FBXO4: variants seen among roughly 807,000 people sequenced by gnomAD.
FBXO4 encodes F-box only protein 4.
A neutral mutation model predicts 43.7 loss-of-function variants in FBXO4; 36 were observed. The observed-to-expected ratio is 0.82, with a 90% CI of 0.63 to 1.09. FBXO4 has a LOEUF of 1.09. FBXO4 is among the 50% of genes least tolerant of loss of function. The probability of loss-of-function intolerance (pLI) is 0.00; values close to 1 mark genes in which losing one functional copy is unlikely to be tolerated. For synonymous variants in FBXO4, 180 were observed against 165.6 expected (o/e 1.09, Z -0.67); for missense variants, 435 against 474.1 (o/e 0.92, Z 0.77).
chr5:41,959,340 G>T, the FBXO4 span, among the ~76,000 whole-genome samples: 1 of 152,012 alleles, frequency 6.6e-6, no homozygotes, highest in East Asian at 1.9e-4. Context: ...CATCCCATAT[G>T]TTGTCTCTTT....
Position 41,938,271 on chromosome 5 carries a change from G to A in FBXO4, c.899-1170G>A, listed in dbSNP as rs1351104866. The stretch of plus-strand genomic sequence containing the variant: ...ATTATACTGTAAGTTTCTTCTATAT[G>A]TGAAATGGCATAATATTTAAAGGTA... On this transcript the variant is annotated intron_variant, in intron 5 of 6. Coordinates refer to ENST00000281623, the MANE Select transcript of FBXO4 (RefSeq NM_012176.3). 2.6e-5 allele frequency among the ~76,000 whole-genome samples: 4 copies of A among 152,136 alleles called. No individual in the cohort carries two copies. The East Asian group carries it at 7.7e-4, about 29-fold the overall frequency.
chr5:41,993,726 G>T, the FBXO4 span, among the ~76,000 whole-genome samples: 512 of 151,902 alleles, frequency 3.4e-3, 2 homozygotes, highest in African/African-American at 0.012. Flanking sequence ...TAGGCCATGT[G>T]CAAGCTGAGG....
the FBXO4 span, among the ~76,000 whole-genome samples, chr5:41,959,379 C>T: frequency 9.1e-4 from 139 of 152,014 alleles, 1 homozygote; most frequent in Non-Finnish European, 1.5e-3. Flanking sequence ...CTTTGTTTTG[C>T]GAAAGTTTTT....
At chr5:41,976,883 T>C in the FBXO4 span, among the ~76,000 whole-genome samples, 2 of 152,340 alleles carry the variant, frequency 1.3e-5, no homozygotes, top group Non-Finnish European at 2.9e-5. Context: ...TACAGCCCTG[T>C]TAACAGGATT....
chr5:42,006,969 A>G, the FBXO4 span, among the ~76,000 whole-genome samples: 3 of 143,050 alleles, frequency 2.1e-5, no homozygotes, highest in Admixed American at 2.1e-4. Context: ...ATACATAAAC[A>G]TGATATATAT....
At chr5:42,002,508 C>A in the FBXO4 span, among the ~76,000 whole-genome samples, 2 of 152,180 alleles carry the variant, frequency 1.3e-5, no homozygotes, top group Non-Finnish European at 2.9e-5. Context: ...GATTGCCCAA[C>A]TAAGATTTTT....
chr5:41,969,496 T>C, the FBXO4 span, among the ~76,000 whole-genome samples: 2 of 152,150 alleles, frequency 1.3e-5, no homozygotes. Context: ...AATGTATTGG[T>C]TCATGTTTCT....
the FBXO4 span, among the ~76,000 whole-genome samples, chr5:42,016,436 G>A: frequency 1.3e-5 from 2 of 151,568 alleles, no homozygotes; most frequent in African/African-American, 2.4e-5. Context: ...CTGCCACCAT[G>A]GTAAGAGGCA....
chr5:41,999,928 C>T, the FBXO4 span, among the ~76,000 whole-genome samples: 1 of 152,084 alleles, frequency 6.6e-6, no homozygotes, highest in Admixed American at 6.6e-5. Context: ...TCAAGCCAAT[C>T]AAGTTGGCAC....
At chr5:41,967,140 G>C in the FBXO4 span, 3 of 379,574 alleles carry the variant, frequency 7.9e-6, no homozygotes, top group Non-Finnish European at 1.6e-5. Flanking sequence ...ACAAGAGTTA[G>C]TTAGTGGCTA....
chr5:41,987,791 C>G, the FBXO4 span, among the ~76,000 whole-genome samples: 1 of 152,168 alleles, frequency 6.6e-6, no homozygotes, highest in African/African-American at 2.4e-5. Context: ...TTCTTCATTT[C>G]TATTACAGTA....
the FBXO4 span, among the ~76,000 whole-genome samples, chr5:42,002,038 CAT>C: frequency 3.9e-5 from 6 of 152,158 alleles, no homozygotes; most frequent in African/African-American, 1.4e-4. Flanking sequence ...TGTTTAGAAA[CAT>C]GACTAAATGT....
At chr5:42,014,180 G>A in the FBXO4 span, among the ~76,000 whole-genome samples, 3 of 151,984 alleles carry the variant, frequency 2.0e-5, no homozygotes, top group Non-Finnish European at 2.9e-5. Context: ...TCACTTCTTC[G>A]TACTCAGGGC....
the FBXO4 span, among the ~76,000 whole-genome samples, chr5:42,034,735 G>T: frequency 3.3e-5 from 5 of 152,082 alleles, no homozygotes; most frequent in African/African-American, 1.2e-4. Flanking sequence ...ATCTATTTTG[G>T]TACCAGCACC....
chr5:41,936,862 A>G (rs1027171628), intron 5 of FBXO4, among the ~76,000 whole-genome samples: 5 of 152,222 alleles, frequency 3.3e-5, no homozygotes, highest in Admixed American at 6.5e-5. Flanking sequence ...TTAAAGGGAC[A>G]AATAGTAAAT....
chr5:42,016,528 C>T, the FBXO4 span, among the ~76,000 whole-genome samples: 1 of 151,804 alleles, frequency 6.6e-6, no homozygotes, highest in Non-Finnish European at 1.5e-5. Context: ...ACAAAGCAAC[C>T]TTGCAACCTC....
At chr5:42,009,932 C>T in the FBXO4 span, among the ~76,000 whole-genome samples, 2 of 152,110 alleles carry the variant, frequency 1.3e-5, no homozygotes, top group African/African-American at 2.4e-5. Flanking sequence ...ACTCCCAATT[C>T]CCTCTCCTTT....
At chr5:42,036,747 T>C in the FBXO4 span, among the ~76,000 whole-genome samples, 1 of 152,048 alleles carries the variant, frequency 6.6e-6, no homozygotes, top group Non-Finnish European at 1.5e-5. Context: ...GAGACAGAGA[T>C]AGGAGCAAAA....
the FBXO4 span, among the ~76,000 whole-genome samples, chr5:41,976,955 C>T: frequency 1.3e-5 from 2 of 152,340 alleles, no homozygotes; most frequent in East Asian, 3.9e-4. Flanking sequence ...TTCTGTGTGC[C>T]TGCCACTTAA....
Sources: allele counts gnomAD v4.1 joint callset (sites outside exome capture counted in the v4.1 genomes callset), GRCh38; gene constraint gnomAD v4.1.1; transcripts MANE v1.5; gene names NCBI Gene and HGNC (gene_info 2026-07-23, HGNC 2026-07-21).